The following CTNNA3 variants were observed in gnomAD, a reference collection of about 807,000 sequenced individuals.
The protein encoded by CTNNA3 is catenin alpha-3.
In CTNNA3, 76 loss-of-function variants were observed where a neutral mutation model predicts 95.7. The ratio of observed to expected loss-of-function variants is 0.79; its 90% CI spans 0.66 to 0.96. CTNNA3 has a LOEUF of 0.96. CTNNA3 is among the 40% of genes least tolerant of loss of function. CTNNA3 has a pLI of 0.00. For missense variants in CTNNA3, 1,191 were observed against 1,089.8 expected, an observed-to-expected ratio of 1.09 and a Z score of -1.31; for synonymous variants, 431 against 374.4, an observed-to-expected ratio of 1.15 and a Z score of -1.74.
intron 13 of CTNNA3, among the ~76,000 whole-genome samples, chr10:66,126,762 A>G (rs1026385701): frequency 1.3e-5 from 2 of 152,218 alleles, no homozygotes; most frequent in Non-Finnish European, 1.5e-5. Context: ...CCAATGTATA[A>G]ACTAAATATC....
chr10:66,103,639 G>C (rs1479557010), intron 13 of CTNNA3, among the ~76,000 whole-genome samples: 1 of 152,146 alleles, frequency 6.6e-6, no homozygotes, highest in East Asian at 1.9e-4. Context: ...GCCACATATT[G>C]TATGATCCTG....
intron 5 of CTNNA3, among the ~76,000 whole-genome samples, chr10:67,401,686 G>C (rs1423940170): frequency 1.3e-5 from 2 of 152,114 alleles, no homozygotes; most frequent in African/African-American, 4.8e-5. Flanking sequence ...CCTGATGAGG[G>C]GGTCATCTAT....
intron 1 of CTNNA3, among the ~76,000 whole-genome samples, chr10:67,748,677 T>C (rs186893665): frequency 2.0e-4 from 30 of 152,298 alleles, no homozygotes; most frequent in Non-Finnish European, 3.4e-4. Context: ...CAATGACATT[T>C]TGAAGAAACT....
chr10:66,332,751 T>C (rs1199886469), intron 12 of CTNNA3, among the ~76,000 whole-genome samples: 6 of 152,094 alleles, frequency 3.9e-5, no homozygotes, highest in African/African-American at 1.4e-4. Context: ...TAAAATGAGT[T>C]AGGGAGGATT....
At chr10:67,062,446 G>A (rs1188531675) in intron 7 of CTNNA3, among the ~76,000 whole-genome samples, 1 of 152,120 alleles carries the variant, frequency 6.6e-6, no homozygotes, top group Non-Finnish European at 1.5e-5. Context: ...GTATGCAGGT[G>A]ATAAACTTTA....
chr10:67,379,125 C>A (rs1843814316), intron 5 of CTNNA3, among the ~76,000 whole-genome samples: 1 of 152,172 alleles, frequency 6.6e-6, no homozygotes, highest in Non-Finnish European at 1.5e-5. Context: ...CTACATATGT[C>A]TTAAAATATT....
rs1482710081 is a variant in CTNNA3 at position 66,088,755 on chromosome 10, A to T, written c.1977+14402T>A. 3.9e-5 allele frequency among the ~76,000 whole-genome samples: 6 copies of T among 152,170 alleles called. No individual in the cohort carries two copies. The East Asian group carries it at 7.7e-4, about 20-fold the overall frequency. ...AACAATCTTTTCATGTCTTCTTCAA[A>T]TGTTATCCGAATATAGTATTTCATT... On this transcript the variant is annotated intron_variant, in intron 14 of 17. Transcript: ENST00000433211.
At chr10:67,727,454 C>A (rs918066308) in intron 1 of CTNNA3, among the ~76,000 whole-genome samples, 1 of 130,820 alleles carries the variant, frequency 7.6e-6, no homozygotes, top group Non-Finnish European at 1.6e-5. Flanking sequence ...TATTATATAT[C>A]ATATATATCA....
At chr10:67,214,488 A>G (rs981561739) in intron 6 of CTNNA3, among the ~76,000 whole-genome samples, 2 of 152,054 alleles carry the variant, frequency 1.3e-5, no homozygotes, top group Admixed American at 6.6e-5. Flanking sequence ...TATACAAAGT[A>G]TACATAGTTA....
intron 1 of CTNNA3, among the ~76,000 whole-genome samples, chr10:67,725,747 G>C (rs907693619): frequency 6.6e-6 from 1 of 151,632 alleles, no homozygotes; most frequent in Admixed American, 6.6e-5. Flanking sequence ...AAATGTTAGA[G>C]GTTGGTTCTA....
chr10:67,246,773 T>C (rs781757752), intron 5 of CTNNA3, among the ~76,000 whole-genome samples: 3 of 152,142 alleles, frequency 2.0e-5, no homozygotes, highest in Non-Finnish European at 4.4e-5. Flanking sequence ...TGTTCCTATA[T>C]TAAATAGGGA....
chr10:66,013,408 T>C (rs963155934), intron 15 of CTNNA3, among the ~76,000 whole-genome samples: 1 of 152,214 alleles, frequency 6.6e-6, no homozygotes, highest in African/African-American at 2.4e-5. Context: ...TGTATGGACC[T>C]GAACTATGGC....
intron 7 of CTNNA3, among the ~76,000 whole-genome samples, chr10:67,014,318 T>G (rs59102106): frequency 0.016 from 2,472 of 152,244 alleles, 85 homozygotes; most frequent in African/African-American, 0.055. Context: ...TTTATGTCAT[T>G]CTGTTTTGTT....
chr10:65,954,564 T>C (rs1472438175), intron 17 of CTNNA3, among the ~76,000 whole-genome samples: 2 of 152,212 alleles, frequency 1.3e-5, no homozygotes, highest in African/African-American at 2.4e-5. Flanking sequence ...AATTTTTGTA[T>C]AAGGTGTAAG....
chr10:66,684,946 T>C (rs559396459), intron 9 of CTNNA3, among the ~76,000 whole-genome samples: 125 of 151,704 alleles, frequency 8.2e-4, no homozygotes, highest in African/African-American at 3.0e-3. Context: ...GCATTTATTT[T>C]AAAAATAAGT....
At chr10:66,588,231 C>T (rs1327331972) in intron 10 of CTNNA3, among the ~76,000 whole-genome samples, 2 of 152,112 alleles carry the variant, frequency 1.3e-5, no homozygotes, top group African/African-American at 4.8e-5. Flanking sequence ...GTGTGTGTCA[C>T]GGTGGCAGTC....
chr10:67,684,124 G>T (rs1044210205), intron 1 of CTNNA3, among the ~76,000 whole-genome samples: 1 of 152,190 alleles, frequency 6.6e-6, no homozygotes, highest in Non-Finnish European at 1.5e-5. Flanking sequence ...CTGCTGATTG[G>T]TCCATTTTAC....
chr10:66,015,105 A>T lies in CTNNA3; in HGVS notation c.2160-26308T>A, dbSNP rs369053208. Among the ~76,000 whole-genome samples, 57 of 150,154 alleles carry T rather than the reference A, an allele frequency of 3.8e-4. 1 individual carries two copies. In the East Asian group the frequency reaches 0.01, roughly 27 times the overall value. On this transcript the variant is annotated intron_variant, in intron 15 of 17. Transcript: ENST00000433211. ...TGACAGAGCGAGACTCTGTCTCAAA[A>T]AATAATAATAATAATAATAAAATAA...
intron 17 of CTNNA3, among the ~76,000 whole-genome samples, chr10:65,923,864 G>A (rs1191249277): frequency 6.6e-6 from 1 of 152,106 alleles, no homozygotes; most frequent in Non-Finnish European, 1.5e-5. Flanking sequence ...CATTTATTCA[G>A]TTATAATCTT....
Sources: gnomAD v4.1 joint callset for allele counts (sites outside exome capture counted in the v4.1 genomes callset) on GRCh38, gnomAD v4.1.1 for gene constraint, MANE v1.5 for transcripts, NCBI Gene and HGNC (gene_info 2026-07-23, HGNC 2026-07-21) for gene names.